SGCD: variants seen among roughly 807,000 people sequenced by gnomAD.
SGCD encodes the protein sarcoglycan delta.
In SGCD, 18 loss-of-function variants were observed where a neutral mutation model predicts 36.6. The observed-to-expected ratio is 0.49, with a 90% CI of 0.34 to 0.73. The LOEUF is 0.73. SGCD is among the 30% of genes least tolerant of loss of function. The probability of loss-of-function intolerance (pLI) is 0.01; values close to 1 mark genes in which losing one functional copy is unlikely to be tolerated. For missense variants in SGCD, 387 were observed against 346.7 expected (o/e 1.12, Z -0.92); for synonymous variants, 133 against 130.6 (o/e 1.02, Z -0.12).
chr5:156,582,104 A>G (rs185688335), intron 4 of SGCD, among the ~76,000 whole-genome samples: 1 of 152,060 alleles, frequency 6.6e-6, no homozygotes, highest in African/African-American at 2.4e-5. Context: ...AAGAATGGCT[A>G]TTTATATATT....
At chr5:156,722,296 A>G (rs980975143) in intron 7 of SGCD, among the ~76,000 whole-genome samples, 1 of 152,232 alleles carries the variant, frequency 6.6e-6, no homozygotes, top group Admixed American at 6.5e-5. Flanking sequence ...AGTAGCAAAG[A>G]CAAATTCTGC....
chr5:156,296,599 C>T (rs1193041262), intron 3 of SGCD, among the ~76,000 whole-genome samples: 4 of 152,006 alleles, frequency 2.6e-5, no homozygotes, highest in South Asian at 2.1e-4. Flanking sequence ...GTGAATTTTT[C>T]GATTTTCCTT....
At chr5:156,204,169 T>G (rs949933847) in intron 3 of SGCD, among the ~76,000 whole-genome samples, 1 of 152,040 alleles carries the variant, frequency 6.6e-6, no homozygotes, top group African/African-American at 2.4e-5. Flanking sequence ...GACTTACTCC[T>G]CAACAAGTGT....
At chr5:156,265,297 A>T (rs960388822) in intron 3 of SGCD, among the ~76,000 whole-genome samples, 1 of 152,174 alleles carries the variant, frequency 6.6e-6, no homozygotes, top group Non-Finnish European at 1.5e-5. Flanking sequence ...GAGAAGTTCC[A>T]CTATGAAACC....
intron 7 of SGCD, among the ~76,000 whole-genome samples, chr5:156,729,490 C>T (rs1755950191): frequency 6.6e-6 from 1 of 152,192 alleles, no homozygotes; most frequent in African/African-American, 2.4e-5. Context: ...GGATCTATCT[C>T]TCAGGGTTGT....
At chr5:156,030,894 G>T (rs1374285492) in intron 1 of SGCD, among the ~76,000 whole-genome samples, 1 of 152,198 alleles carries the variant, frequency 6.6e-6, no homozygotes, top group East Asian at 1.9e-4. Context: ...TGTCTAGGGA[G>T]AATTACATGC....
chr5:156,344,612 A>G lies in SGCD; in HGVS notation c.127A>G (p.Met43Val). The G allele has an allele frequency of 6.2e-7, 1 of 1,612,192 alleles. No homozygotes were observed. Among genetic ancestry groups the G allele is most frequent in the African/African-American group, 1.3e-5 (1 of 74,914 alleles). Residue 43 changes from methionine (M) to valine (V), a missense_variant, in exon 3 of 9, where the codon ATG (methionine) becomes GTG (valine). Physicochemically the swap from Met to Val is conservative, Grantham distance 21. Transcript: ENST00000337851. ...CCTGTATTTCTTTGTCCTGCTCCTC[A>G]TGATTTTAATACTGGTGAACTTGGC... is the stretch of plus-strand genomic sequence containing the variant. ...RCLYFFVLLL[M>V]ILILVNLAMT... is the part of the protein sequence containing the mutation.
intron 3 of SGCD, among the ~76,000 whole-genome samples, chr5:156,244,839 A>T (rs1409995259): frequency 6.6e-6 from 1 of 152,220 alleles, no homozygotes; most frequent in Admixed American, 6.5e-5. Flanking sequence ...GAGTGGTGTC[A>T]TAGATACCCA....
At chr5:156,516,341 C>T (rs1160431461) in intron 4 of SGCD, among the ~76,000 whole-genome samples, 2 of 152,314 alleles carry the variant, frequency 1.3e-5, no homozygotes, top group Admixed American at 1.3e-4. Flanking sequence ...AGACAGCCGT[C>T]CTTGCTGTTC....
chr5:156,259,818 C>T (rs960034121), intron 3 of SGCD, among the ~76,000 whole-genome samples: 3 of 152,056 alleles, frequency 2.0e-5, no homozygotes, highest in African/African-American at 7.2e-5. Flanking sequence ...GAAAAAAGAC[C>T]TGAGCTGACA....
chr5:156,270,814 T>C (rs1266076975), intron 3 of SGCD, among the ~76,000 whole-genome samples: 1 of 151,920 alleles, frequency 6.6e-6, no homozygotes, highest in Non-Finnish European at 1.5e-5. Context: ...TAAGCCACAA[T>C]ATACAGTGAG....
At chr5:156,440,630 C>A (rs1292605068) in intron 3 of SGCD, among the ~76,000 whole-genome samples, 1 of 152,068 alleles carries the variant, frequency 6.6e-6, no homozygotes, top group African/African-American at 2.4e-5. Context: ...ACTTATTATT[C>A]ATCTTTTTTA....
intron 3 of SGCD, among the ~76,000 whole-genome samples, chr5:156,406,787 A>ATT (rs1194356968): frequency 6.6e-5 from 3 of 45,752 alleles, no homozygotes; most frequent in East Asian, 8.6e-4. Flanking sequence ...CTAATAGGAG[A>ATT]TTTTATATAT....
intron 1 of SGCD, among the ~76,000 whole-genome samples, chr5:155,938,470 G>A (rs1172317065): frequency 6.6e-6 from 1 of 152,210 alleles, no homozygotes; most frequent in Non-Finnish European, 1.5e-5. Flanking sequence ...CAGGCTGGCT[G>A]TTACTGGCGT....
intron 1 of SGCD, among the ~76,000 whole-genome samples, chr5:156,094,605 T>G (rs1761331358): frequency 6.6e-6 from 1 of 152,184 alleles, no homozygotes; most frequent in Non-Finnish European, 1.5e-5. Context: ...CAGACAGTAT[T>G]ACAGTAACAA....
At chr5:156,334,525 C>G (rs1251690086) in intron 2 of SGCD, among the ~76,000 whole-genome samples, 1 of 151,654 alleles carries the variant, frequency 6.6e-6, no homozygotes, top group Non-Finnish European at 1.5e-5. Flanking sequence ...CAACTATAGC[C>G]TTTTCCATGA....
chr5:156,443,914 T>G (rs192630593), intron 3 of SGCD, among the ~76,000 whole-genome samples: 1 of 152,266 alleles, frequency 6.6e-6, no homozygotes, highest in African/African-American at 2.4e-5. Context: ...GTAATTTTTC[T>G]AGTATCTTAT....
chr5:156,285,694 A>T (rs1221146751), intron 3 of SGCD, among the ~76,000 whole-genome samples: 1 of 152,204 alleles, frequency 6.6e-6, no homozygotes, highest in Non-Finnish European at 1.5e-5. Context: ...TAAAGACTTA[A>T]ACGTTGGACC....
intron 7 of SGCD, among the ~76,000 whole-genome samples, chr5:156,679,324 C>T (rs987728836): frequency 1.4e-4 from 22 of 152,074 alleles, no homozygotes; most frequent in Non-Finnish European, 3.1e-4. Context: ...AAAAGGATAC[C>T]GCCTCTGAGG....
Sources: gnomAD v4.1 joint callset for allele counts (sites outside exome capture counted in the v4.1 genomes callset) on GRCh38, gnomAD v4.1.1 for gene constraint, MANE v1.5 for transcripts, NCBI Gene and HGNC (gene_info 2026-07-23, HGNC 2026-07-21) for gene names.